COL5A1: variants seen among roughly 807,000 people sequenced by gnomAD.
COL5A1 encodes the protein collagen alpha-1(V) chain.
A neutral mutation model predicts 263.7 loss-of-function variants in COL5A1; 16 were observed. The observed-to-expected ratio is 0.06, with a 90% confidence interval of 0.04 to 0.09. The LOEUF is 0.09. Among genes scored for constraint, COL5A1 ranks in the 10% least tolerant of loss-of-function variants. The probability of loss-of-function intolerance (pLI) is 1.00; values close to 1 mark genes in which losing one functional copy is unlikely to be tolerated. For synonymous variants in COL5A1, 1,012 were observed against 1,004.5 expected, an observed-to-expected ratio of 1.01 and a Z score of -0.14; for missense variants, 2,036 against 2,540.5, an observed-to-expected ratio of 0.80 and a Z score of 4.27.
chr9:134,771,414 G>A (rs993827287), intron 25 of COL5A1, among the ~76,000 whole-genome samples: 21 of 152,186 alleles, frequency 1.4e-4, no homozygotes, highest in Non-Finnish European at 2.6e-4. Context: ...GGCCAAGCAC[G>A]TCCCCTCCCA....
intron 25 of COL5A1, among the ~76,000 whole-genome samples, chr9:134,772,536 G>A (rs909455359): frequency 6.6e-6 from 1 of 152,332 alleles, no homozygotes; most frequent in South Asian, 2.1e-4. Context: ...GGCCTTGGCC[G>A]GGGTTGGGCC....
At chr9:134,684,659 C>T (rs72772536) in intron 1 of COL5A1, among the ~76,000 whole-genome samples, 10,283 of 152,268 alleles carry the variant, frequency 0.068, 438 homozygotes, top group Non-Finnish European at 0.091. Context: ...ACATGGAATG[C>T]GGTTATTCTG....
intron 29 of COL5A1, 33 bp from the exon 30 acceptor site, chr9:134,784,956 T>C: frequency 1.3e-6 from 2 of 1,510,288 alleles, no homozygotes; most frequent in South Asian, 2.2e-5. Context: ...GTGCGGGGGG[T>C]GGTCTTCTCA....
chr9:134,761,236 A>AC (rs1173940480), intron 18 of COL5A1, among the ~76,000 whole-genome samples: 1 of 140,852 alleles, frequency 7.1e-6, no homozygotes, highest in Non-Finnish European at 1.5e-5. Context: ...CACCCCACAT[A>AC]CCCCCACACA....
At chr9:134,803,590 G>A (rs569478148) in intron 39 of COL5A1, among the ~76,000 whole-genome samples, 50 of 152,286 alleles carry the variant, frequency 3.3e-4, no homozygotes, top group Admixed American at 9.8e-4. Flanking sequence ...TGCCAAGATC[G>A]TGCCAGTGCA....
chr9:134,683,521 C>T (rs1425006092), intron 1 of COL5A1, among the ~76,000 whole-genome samples: 2 of 152,242 alleles, frequency 1.3e-5, no homozygotes, highest in Admixed American at 6.5e-5. Flanking sequence ...TGTTCAGGCA[C>T]AGCTTGATCC....
chr9:134,815,220 T>G (rs1174806565), intron 50 of COL5A1, among the ~76,000 whole-genome samples: 2 of 152,214 alleles, frequency 1.3e-5, no homozygotes, highest in African/African-American at 4.8e-5. Flanking sequence ...TGATTTTGCA[T>G]CAGGAGGGGC....
At chr9:134,809,745 C>T (rs1325387083) in intron 43 of COL5A1, among the ~76,000 whole-genome samples, 7 of 152,204 alleles carry the variant, frequency 4.6e-5, no homozygotes, top group Non-Finnish European at 8.8e-5. Flanking sequence ...CAGGAGCTTG[C>T]ATTTTATCCT....
chr9:134,827,106 G>A (rs1351421391), intron 63 of COL5A1, among the ~76,000 whole-genome samples: 2 of 152,186 alleles, frequency 1.3e-5, no homozygotes, highest in Non-Finnish European at 2.9e-5. Context: ...CATTTCTGGG[G>A]CCGCAGCGGT....
intron 1 of COL5A1, among the ~76,000 whole-genome samples, chr9:134,645,230 C>A (rs1211677829): frequency 7.9e-5 from 12 of 152,212 alleles, no homozygotes; most frequent in Admixed American, 7.9e-4. Context: ...TGCTCTTCAC[C>A]CCGCCCTGCA....
chr9:134,824,846 T>C lies in COL5A1; in HGVS notation c.4945T>C (p.Phe1649Leu), dbSNP rs769973523. The C allele has an allele frequency of 1.2e-6, 2 of 1,612,424 alleles. No individual in the cohort carries two copies. Among genetic ancestry groups the C allele is most frequent in the Non-Finnish European group, 8.5e-7 (1 of 1,179,646 alleles). The change falls in exon 62 of 66, where the codon TTC (phenylalanine) becomes CTC (leucine). Residue 1649 changes from phenylalanine to leucine, a missense_variant. Physicochemically the swap from Phe to Leu is conservative, Grantham distance 22 (BLOSUM62 0). Around this residue, in one of 3 missense-constraint regions of COL5A1, gnomAD observed 358 missense variants for 384.6 expected, o/e 0.93. Coordinates refer to ENST00000371817, the MANE Select transcript of COL5A1 (RefSeq NM_000093.5). ...GGACCTGCAGCTCTGCCACCCCGAC[T>C]TCCCAGATGGTGAGGGCCTGGGGGG... The part of the protein sequence containing the change: ...CKDLQLCHPD[F>L]PDGEYWVDPN...
rs1259946216 is a variant in COL5A1, at chr9:134,652,746, AG to A, written c.109+10453del. 1 of 470,740 alleles carries A rather than the reference AG, an allele frequency of 2.1e-6. No individual in the cohort carries two copies. Among genetic ancestry groups the A allele is most frequent in the Non-Finnish European group, 4.4e-6 (1 of 226,890 alleles). The allele number at this position is 470,740 out of a possible 1,614,324, so 29.2% of individuals were successfully genotyped here. A position where few individuals can be genotyped will look rare whatever the true frequency, so the allele number is the denominator to read the frequency against. On this transcript the variant is annotated intron_variant, in intron 1 of 65. Coordinates refer to ENST00000371817, the MANE Select transcript of COL5A1 (RefSeq NM_000093.5). The surrounding 1 kb of genome is among the most constrained non-coding windows in gnomAD (Gnocchi z 4.4). The stretch of plus-strand genomic sequence containing the variant: ...CATGGCTCATTGTCAGACAGGAGGG[AG>A]GGCCTCTTCTTAGGCCGGGTCCAGC...
chr9:134,766,918 C>T, intron 22 of COL5A1, 82 bp from the exon 23 acceptor site: 1 of 1,316,254 alleles, frequency 7.6e-7, no homozygotes, highest in Non-Finnish European at 1.1e-6. Context: ...GGATGGGAGG[C>T]CAGTGAGGGG....
At chr9:134,654,609 GA>G (rs1473740616) in intron 1 of COL5A1, among the ~76,000 whole-genome samples, 5 of 116,032 alleles carry the variant, frequency 4.3e-5, no homozygotes, top group South Asian at 3.1e-4. Context: ...GTGTAGGGCT[GA>G]GGGTGTGTAG....
At chr9:134,826,178 T>C (rs1254295246) in intron 63 of COL5A1, among the ~76,000 whole-genome samples, 2 of 152,238 alleles carry the variant, frequency 1.3e-5, no homozygotes, top group African/African-American at 2.4e-5. Flanking sequence ...CTTCACTCAC[T>C]GGTTGATAAA....
At chr9:134,802,154 A>C in intron 38 of COL5A1, 147 bp downstream of exon 38, 1 of 822,750 alleles carries the variant, frequency 1.2e-6, no homozygotes, top group Non-Finnish European at 2.1e-6. Flanking sequence ...AATGTTGGTC[A>C]GCGTGAGGCT....
At chr9:134,731,753 G>A (rs1162718046) in intron 8 of COL5A1, 90 bp downstream of exon 8, 2 of 1,398,982 alleles carry the variant, frequency 1.4e-6, no homozygotes, top group Non-Finnish European at 1.9e-6. Flanking sequence ...CTCAGGGGTG[G>A]GCCTCTACGG....
chr9:134,815,614 A>C lies in COL5A1; in HGVS notation c.4053A>C (p.Gly1351=), dbSNP rs1410328897. Reference sequence around the variant, plus strand: ...TTCCTGGAGATCCTGGCCCCCCCGGAGAGCCTGGCCCCGCGGTAGGTGCTC... The same window carrying C: ...TTCCTGGAGATCCTGGCCCCCCCGGCGAGCCTGGCCCCGCGGTAGGTGCTC... ...VGFPGDPGPP[G]EPGPAGQDGP... The change falls in exon 51 of 66, where the codon GGA becomes GGC. Residue 1351 remains glycine, a synonymous_variant. Transcript: ENST00000371817. 6.2e-7 allele frequency: 1 copy of C among 1,613,614 alleles called. No individual in the cohort carries two copies. Among genetic ancestry groups the C allele is most frequent in the Non-Finnish European group, 8.5e-7 (1 of 1,179,924 alleles).
intron 37 of COL5A1, among the ~76,000 whole-genome samples, chr9:134,799,997 T>A: frequency 6.6e-6 from 1 of 152,214 alleles, no homozygotes; most frequent in South Asian, 2.1e-4. Flanking sequence ...GTGATGCCTG[T>A]GTCTCTGAGA....
Sources: allele counts gnomAD v4.1 joint callset (sites outside exome capture counted in the v4.1 genomes callset), GRCh38; gene constraint gnomAD v4.1.1; regional missense constraint gnomAD v4.1.1; non-coding constraint Gnocchi (gnomAD v3.1); transcripts MANE v1.5; gene names NCBI Gene and HGNC (gene_info 2026-07-23, HGNC 2026-07-21).